HS6ST1: variants seen among roughly 807,000 people sequenced by gnomAD.
HS6ST1 encodes the protein heparan sulfate 6-O-sulfotransferase 1, also known as heparan-sulfate 6-O-sulfotransferase 1.
A neutral mutation model predicts 25.2 loss-of-function variants in HS6ST1; 3 were observed. That is an observed-to-expected ratio of 0.12 (90% CI 0.05 to 0.31). HS6ST1 has a LOEUF of 0.31. Ranked by LOEUF, HS6ST1 falls within the 10% of genes least tolerant of loss-of-function variation. The pLI is 1.00. For missense variants in HS6ST1, 310 were observed against 609.6 expected (o/e 0.51, Z 5.18); for synonymous variants, 204 against 275.1 (o/e 0.74, Z 2.56).
At chr2:128,307,151 T>C (rs1225608771) in intron 1 of HS6ST1, among the ~76,000 whole-genome samples, 3 of 152,128 alleles carry the variant, frequency 2.0e-5, no homozygotes, top group African/African-American at 7.2e-5. Flanking sequence ...AAAATCGCTG[T>C]GAGGGGCCCT....
intron 1 of HS6ST1, among the ~76,000 whole-genome samples, chr2:128,307,259 G>C (rs1417962282): frequency 6.6e-6 from 1 of 152,146 alleles, no homozygotes; most frequent in African/African-American, 2.4e-5. Flanking sequence ...GAAGGCCCTG[G>C]GGGGTGCACG....
intron 1 of HS6ST1, among the ~76,000 whole-genome samples, chr2:128,296,496 A>C (rs2104927864): frequency 6.6e-6 from 1 of 152,376 alleles, no homozygotes; most frequent in South Asian, 2.1e-4. Context: ...AAAACCTGTT[A>C]GAGCTAATAA....
intron 1 of HS6ST1, among the ~76,000 whole-genome samples, chr2:128,299,214 T>C (rs575912177): frequency 2.0e-5 from 3 of 152,330 alleles, no homozygotes; most frequent in South Asian, 4.1e-4. Context: ...CTCCTTGCTC[T>C]GCACCACAAC....
At chr2:128,316,517 G>A (rs1306606276) in intron 1 of HS6ST1, among the ~76,000 whole-genome samples, 2 of 152,220 alleles carry the variant, frequency 1.3e-5, no homozygotes, top group Non-Finnish European at 2.9e-5. Flanking sequence ...GCACAGAGAA[G>A]CTGGACCAGG....
intron 1 of HS6ST1, among the ~76,000 whole-genome samples, chr2:128,273,767 A>G (rs775641731): frequency 1.3e-5 from 2 of 152,204 alleles, no homozygotes; most frequent in Non-Finnish European, 2.9e-5. Context: ...TTTACTCTCC[A>G]GTCTGTCATC....
At position 128,268,595 on chromosome 2, in the gene HS6ST1, A is replaced by G. The variant is rs1411385997; in HGVS notation, c.803T>C (p.Ile268Thr). 1 of 1,606,176 alleles carries G rather than the reference A, an allele frequency of 6.2e-7. No individual in the cohort carries two copies. Among genetic ancestry groups the G allele is most frequent in the Non-Finnish European group, 8.5e-7 (1 of 1,176,218 alleles). The change falls in exon 2 of 2, where the codon ATC becomes ACC. Residue 268 changes from isoleucine (I) to threonine (T), a missense_variant. Physicochemically the swap from Ile to Thr is moderately conservative, Grantham distance 89. This residue lies in a region of HS6ST1 where 98 missense variants were observed against 270.3 expected (regional missense o/e 0.36). Transcript: ENST00000259241. ...SLVGCYNLSF[I>T]PEGKRAQLLL... is the part of the protein sequence containing the mutation. ...CAGCTGGGCCCGCTTGCCCTCGGGG[A>G]TGAAGGACAGGTTGTAGCAGCCCAC...
At chr2:128,279,873 G>A (rs1693753585) in intron 1 of HS6ST1, among the ~76,000 whole-genome samples, 1 of 152,156 alleles carries the variant, frequency 6.6e-6, no homozygotes, top group Non-Finnish European at 1.5e-5. Context: ...TCTGAGGACC[G>A]CGTGAGCACC....
intron 1 of HS6ST1, among the ~76,000 whole-genome samples, chr2:128,279,690 T>C (rs1219070394): frequency 1.3e-5 from 2 of 152,098 alleles, no homozygotes; most frequent in African/African-American, 4.8e-5. Context: ...ACCTGGAGGC[T>C]GAGGTGGGAG....
At chr2:128,289,215 G>A (rs773398007) in intron 1 of HS6ST1, among the ~76,000 whole-genome samples, 22 of 151,344 alleles carry the variant, frequency 1.5e-4, no homozygotes, top group African/African-American at 5.1e-4. Flanking sequence ...CGACAGCTCC[G>A]GGTGATGCAC....
At chr2:128,272,807 C>T (rs183417880) in intron 1 of HS6ST1, among the ~76,000 whole-genome samples, 12 of 152,170 alleles carry the variant, frequency 7.9e-5, no homozygotes, top group African/African-American at 2.9e-4. Flanking sequence ...TGAAGACAGA[C>T]ACTCATTTGA....
At chr2:128,301,668 G>A (rs1372532411) in intron 1 of HS6ST1, among the ~76,000 whole-genome samples, 2 of 152,192 alleles carry the variant, frequency 1.3e-5, no homozygotes, top group African/African-American at 4.8e-5. Flanking sequence ...GAGCGTGAGC[G>A]TGCGTGTGTG....
At chr2:128,298,074 T>C (rs1053878107) in intron 1 of HS6ST1, among the ~76,000 whole-genome samples, 2 of 152,030 alleles carry the variant, frequency 1.3e-5, no homozygotes. Flanking sequence ...AGATATAAGA[T>C]GAACATCGTT....
intron 1 of HS6ST1, among the ~76,000 whole-genome samples, chr2:128,300,626 G>T (rs1694110440): frequency 6.6e-6 from 1 of 152,160 alleles, no homozygotes; most frequent in South Asian, 2.1e-4. Context: ...AATCTCTTCG[G>T]GGGAGGCTGT....
Position 128,317,041 on chromosome 2 carries a change from C to T in HS6ST1, c.527+996G>A, listed in dbSNP as rs539634951. On this transcript the variant is annotated intron_variant, in intron 1 of 1. Coordinates refer to ENST00000259241, the MANE Select transcript of HS6ST1 (RefSeq NM_004807.3). ...AAAAGGCAGACAAGAAGCCCTGCTC[C>T]TGGCCCTTCCCAGCCCAGACTTTGG... 2.6e-5 allele frequency among the ~76,000 whole-genome samples: 4 copies of T among 152,378 alleles called. No individual in the cohort carries two copies. In the East Asian group the frequency reaches 7.7e-4, roughly 29 times the overall value.
chr2:128,274,225 G>A (rs537285972), intron 1 of HS6ST1, among the ~76,000 whole-genome samples: 4 of 152,290 alleles, frequency 2.6e-5, no homozygotes, highest in Admixed American at 2.0e-4. Flanking sequence ...CATCATTCAC[G>A]GAGACTGAAA....
intron 1 of HS6ST1, among the ~76,000 whole-genome samples, chr2:128,289,375 C>T (rs548950860): frequency 1.3e-5 from 2 of 152,272 alleles, no homozygotes; most frequent in South Asian, 4.2e-4. Flanking sequence ...CATTTTATTC[C>T]TGCAACCCCG....
intron 1 of HS6ST1, among the ~76,000 whole-genome samples, chr2:128,312,287 T>C (rs1265481689): frequency 6.6e-6 from 1 of 152,240 alleles, no homozygotes; most frequent in Non-Finnish European, 1.5e-5. Flanking sequence ...CCCTCCAGGC[T>C]GAGGGACTGA....
chr2:128,285,293 G>T (rs1005114496), intron 1 of HS6ST1, among the ~76,000 whole-genome samples: 20 of 152,188 alleles, frequency 1.3e-4, no homozygotes, highest in Admixed American at 1.2e-3. Flanking sequence ...ATGGAGGAGG[G>T]GAGAATAAGG....
chr2:128,315,255 A>C (rs1003536383), intron 1 of HS6ST1, among the ~76,000 whole-genome samples: 3 of 152,142 alleles, frequency 2.0e-5, no homozygotes, highest in African/African-American at 4.8e-5. Flanking sequence ...GAAGTTCCAA[A>C]CCATATTCCA....
Sources: allele counts gnomAD v4.1 joint callset (sites outside exome capture counted in the v4.1 genomes callset), GRCh38; gene constraint gnomAD v4.1.1; regional missense constraint gnomAD v4.1.1; transcripts MANE v1.5; gene names NCBI Gene and HGNC (gene_info 2026-07-23, HGNC 2026-07-21).